GNG7: variants seen among roughly 807,000 people sequenced by gnomAD.
GNG7 encodes the protein guanine nucleotide-binding protein G(I)/G(S)/G(O) subunit gamma-7.
A neutral mutation model predicts 4.0 loss-of-function variants in GNG7; 1 was observed. That is an observed-to-expected ratio of 0.25 (90% CI 0.09 to 1.18). GNG7 has a LOEUF of 1.18. Among genes scored for constraint, GNG7 ranks in the 50% most tolerant of loss-of-function variants. The probability of loss-of-function intolerance (pLI) is 0.50; values close to 1 mark genes in which losing one functional copy is unlikely to be tolerated. For missense variants in GNG7, 86 were observed against 91.9 expected (o/e 0.94, Z 0.26); for synonymous variants, 34 against 36.9 (o/e 0.92, Z 0.29).
intron 2 of GNG7, among the ~76,000 whole-genome samples, chr19:2,598,689 T>G (rs1599413822): frequency 1.9e-5 from 2 of 103,168 alleles, no homozygotes; most frequent in Admixed American, 2.1e-4. Context: ...ATAATAATAA[T>G]AATAATAATA....
At chr19:2,678,590 A>G (rs895514586) in intron 1 of GNG7, among the ~76,000 whole-genome samples, 2 of 152,040 alleles carry the variant, frequency 1.3e-5, no homozygotes, top group African/African-American at 4.8e-5. Flanking sequence ...ATGGGGTAAT[A>G]AATGCATACG....
chr19:2,542,804 CTCT>C (rs1192675845), intron 3 of GNG7, among the ~76,000 whole-genome samples: 2 of 151,676 alleles, frequency 1.3e-5, no homozygotes, highest in East Asian at 3.9e-4. Flanking sequence ...ACAGCTTCAG[CTCT>C]TATTTGCCAT....
intron 2 of GNG7, among the ~76,000 whole-genome samples, chr19:2,622,674 CG>C (rs1981912736): frequency 7.6e-6 from 1 of 130,792 alleles, no homozygotes; most frequent in African/African-American, 3.1e-5. Flanking sequence ...GCGAGCAACG[CG>C]GCAGATAGGG....
At chr19:2,599,493 T>C (rs1981135047) in intron 2 of GNG7, among the ~76,000 whole-genome samples, 1 of 151,754 alleles carries the variant, frequency 6.6e-6, no homozygotes, top group East Asian at 1.9e-4. Context: ...CGGGCAGCCC[T>C]GCCATGCAGC....
intron 2 of GNG7, among the ~76,000 whole-genome samples, chr19:2,560,359 C>A (rs1159182294): frequency 6.6e-6 from 1 of 152,092 alleles, no homozygotes; most frequent in Non-Finnish European, 1.5e-5. Context: ...TGTCTCCCAC[C>A]GGCCCCCAGG....
chr19:2,603,033 T>C (rs1359256823), intron 2 of GNG7, among the ~76,000 whole-genome samples: 1 of 151,046 alleles, frequency 6.6e-6, no homozygotes, highest in East Asian at 1.9e-4. Context: ...CCTTCCTTCC[T>C]TCCCTTTCTT....
chr19:2,606,224 C>A (rs1981379640), intron 2 of GNG7, among the ~76,000 whole-genome samples: 1 of 151,734 alleles, frequency 6.6e-6, no homozygotes, highest in Non-Finnish European at 1.5e-5. Flanking sequence ...ACAAAAAATA[C>A]AAAAATTAGC....
chr19:2,567,350 T>TGTGTGTGTGTGTGTGTGA (rs1259433698), intron 2 of GNG7, among the ~76,000 whole-genome samples: 4 of 150,860 alleles, frequency 2.7e-5, no homozygotes, highest in African/African-American at 7.4e-5. Flanking sequence ...TGTGTGTGTG[T>TGTGTGTGTGTGTGTGTGA]GACATAGGGT....
chr19:2,676,138 G>A (rs966597803), intron 1 of GNG7, among the ~76,000 whole-genome samples: 4 of 152,238 alleles, frequency 2.6e-5, no homozygotes, highest in Non-Finnish European at 4.4e-5. Context: ...CCAGATGCTG[G>A]AAGAGGCAGG....
At chr19:2,522,216 C>G (rs759287655) in intron 3 of GNG7, among the ~76,000 whole-genome samples, 1 of 152,094 alleles carries the variant, frequency 6.6e-6, no homozygotes, top group South Asian at 2.1e-4. Flanking sequence ...TCCAGCCCCA[C>G]GTGTCAGTAG....
chr19:2,608,080 G>A (rs1386706190), intron 2 of GNG7, among the ~76,000 whole-genome samples: 3 of 150,622 alleles, frequency 2.0e-5, no homozygotes, highest in Non-Finnish European at 3.0e-5. Flanking sequence ...GTTAAGCCAA[G>A]TCAGTGGGAA....
intron 2 of GNG7, among the ~76,000 whole-genome samples, chr19:2,598,453 C>G (rs1045786143): frequency 7.3e-5 from 11 of 150,978 alleles, no homozygotes; most frequent in Non-Finnish European, 1.3e-4. Flanking sequence ...GTCAGGAGAT[C>G]GAGACCATCC....
chr19:2,537,157 G>C (rs1978767969), intron 3 of GNG7, among the ~76,000 whole-genome samples: 1 of 151,454 alleles, frequency 6.6e-6, no homozygotes, highest in African/African-American at 2.4e-5. Flanking sequence ...CACCGTGTTA[G>C]CCAGGATGGT....
chr19:2,564,923 G>C (rs1299024454), intron 2 of GNG7, among the ~76,000 whole-genome samples: 2 of 151,946 alleles, frequency 1.3e-5, no homozygotes, highest in African/African-American at 2.4e-5. Context: ...AGATGCGGTG[G>C]CTCATGCCTG....
chr19:2,540,585 G>A (rs1164516012), intron 3 of GNG7, among the ~76,000 whole-genome samples: 1 of 152,240 alleles, frequency 6.6e-6, no homozygotes, highest in Non-Finnish European at 1.5e-5. Context: ...AAGCCAAGAA[G>A]CAGACAGCAG....
Position 2,514,968 on chromosome 19 carries a change from CAGAGAGAG to C in GNG7, c.*46_*53del. 1 of 1,238,370 alleles carries C rather than the reference CAGAGAGAG, an allele frequency of 8.1e-7. No homozygotes were observed. Among genetic ancestry groups the C allele is most frequent in the Non-Finnish European group, 1.2e-6 (1 of 866,244 alleles). 76.7% of individuals were successfully genotyped at this position (1,238,370 alleles called of 1,614,324 possible). A position where few individuals can be genotyped will look rare whatever the true frequency, so the allele number is the denominator to read the frequency against. ...GCCCTGCCTGAGACAGAGACAGAGA[CAGAGAGAG>C]AGAGAGAGAAAGAGAGAGAGAGAGA... On this transcript the variant is annotated 3_prime_UTR_variant, in exon 5 of 5. Transcript: ENST00000382159.
intron 2 of GNG7, among the ~76,000 whole-genome samples, chr19:2,583,118 AT>A (rs530281702): frequency 8.0e-5 from 12 of 150,348 alleles, no homozygotes; most frequent in South Asian, 2.1e-4. Context: ...ACTGGCAAGT[AT>A]TTTTTTTTTA....
At chr19:2,668,957 C>T (rs911693864) in intron 1 of GNG7, among the ~76,000 whole-genome samples, 1 of 152,154 alleles carries the variant, frequency 6.6e-6, no homozygotes, top group Non-Finnish European at 1.5e-5. Context: ...TAGGATCATT[C>T]CTGCTGAGAA....
At position 2,511,823 on chromosome 19, in the gene GNG7, C is replaced by T. The variant is rs1972659953; in HGVS notation, c.*3199G>A. The T allele has an allele frequency of 1.0e-6, 1 of 986,140 alleles. No homozygotes were observed. The highest frequency in any genetic ancestry group is 1.2e-6 in the Non-Finnish European group (1 of 830,222). 61.1% of individuals were successfully genotyped at this position (986,140 alleles called of 1,614,324 possible). Reference sequence around the variant, plus strand: ...AGGCCAGAGGTCGCAGCTGAGCTATCTGTGCTTGGCCTGGGGTTACCCCTG... The same window carrying T: ...AGGCCAGAGGTCGCAGCTGAGCTATTTGTGCTTGGCCTGGGGTTACCCCTG... On this transcript the variant is annotated 3_prime_UTR_variant, in exon 5 of 5. Transcript: ENST00000382159. The surrounding 1 kb of genome is among the most constrained non-coding windows in gnomAD (Gnocchi z 6.3).
Sources: allele counts gnomAD v4.1 joint callset (sites outside exome capture counted in the v4.1 genomes callset), GRCh38; gene constraint gnomAD v4.1.1; non-coding constraint Gnocchi (gnomAD v3.1); transcripts MANE v1.5; gene names NCBI Gene and HGNC (gene_info 2026-07-23, HGNC 2026-07-21).